The following SPIDR variants were observed in gnomAD, a reference collection of about 807,000 sequenced individuals.
The protein encoded by SPIDR is DNA repair-scaffolding protein.
SPIDR carries 93 observed loss-of-function variants against 104.6 expected under a neutral mutation model. The observed-to-expected ratio is 0.89, with a 90% CI of 0.75 to 1.06. The LOEUF (loss-of-function observed/expected upper bound fraction) is 1.06. Ranked by LOEUF, SPIDR falls within the 50% of genes least tolerant of loss-of-function variation. The probability of loss-of-function intolerance (pLI) is 0.00; values close to 1 mark genes in which losing one functional copy is unlikely to be tolerated. For missense variants in SPIDR, 1,154 were observed against 1,111.2 expected (o/e 1.04, Z -0.55); for synonymous variants, 431 against 416.9 (o/e 1.03, Z -0.41).
At chr8:47,417,884 C>A (rs1554676543) in intron 7 of SPIDR, among the ~76,000 whole-genome samples, 1 of 150,746 alleles carries the variant, frequency 6.6e-6, no homozygotes, top group African/African-American at 2.5e-5. Context: ...ATAGGGAATC[C>A]TTTCCCCATT....
intron 10 of SPIDR, among the ~76,000 whole-genome samples, chr8:47,640,709 G>GCT (rs1303448130): frequency 1.3e-5 from 2 of 151,620 alleles, no homozygotes; most frequent in Non-Finnish European, 2.9e-5. Flanking sequence ...ACGGAGCCTC[G>GCT]CTCTATCGCC....
chr8:47,508,260 G>A (rs1469444496), intron 8 of SPIDR, among the ~76,000 whole-genome samples: 1 of 152,208 alleles, frequency 6.6e-6, no homozygotes, highest in Non-Finnish European at 1.5e-5. Flanking sequence ...GATGGTGAAA[G>A]CAAGTAGCTT....
At chr8:47,432,414 CATGG>C (rs782768476) in intron 7 of SPIDR, among the ~76,000 whole-genome samples, 11 of 152,132 alleles carry the variant, frequency 7.2e-5, no homozygotes, top group Non-Finnish European at 1.3e-4. Context: ...TCAGGAGCAT[CATGG>C]TTAGCAGTGA....
At chr8:47,413,596 A>AT (rs2063821332) in intron 7 of SPIDR, among the ~76,000 whole-genome samples, 1 of 152,206 alleles carries the variant, frequency 6.6e-6, no homozygotes, top group Admixed American at 6.5e-5. Flanking sequence ...CAAATTGTAA[A>AT]TATCTTCCAA....
chr8:47,644,418 A>G (rs1437673570), intron 10 of SPIDR, among the ~76,000 whole-genome samples: 3 of 152,172 alleles, frequency 2.0e-5, no homozygotes, highest in African/African-American at 7.2e-5. Flanking sequence ...TAATCGTGTT[A>G]CCTTCATTTA....
At chr8:47,421,087 C>T (rs1389317066) in intron 7 of SPIDR, among the ~76,000 whole-genome samples, 1 of 152,116 alleles carries the variant, frequency 6.6e-6, no homozygotes, top group Non-Finnish European at 1.5e-5. Flanking sequence ...AATTATGTGT[C>T]TTGGAGTTGC....
At chr8:47,722,892 G>T (rs1327671881) in intron 16 of SPIDR, among the ~76,000 whole-genome samples, 1 of 151,772 alleles carries the variant, frequency 6.6e-6, no homozygotes, top group Admixed American at 6.6e-5. Context: ...AGGCTGGAGT[G>T]CATTGGTGTG....
intron 8 of SPIDR, among the ~76,000 whole-genome samples, chr8:47,450,090 A>G (rs2071423665): frequency 6.6e-6 from 1 of 152,122 alleles, no homozygotes; most frequent in Non-Finnish European, 1.5e-5. Context: ...CCTGAGCCCA[A>G]GGAGGTCAAG....
chr8:47,706,165 G>C (rs1337103208), intron 14 of SPIDR, among the ~76,000 whole-genome samples: 1 of 152,114 alleles, frequency 6.6e-6, no homozygotes, highest in African/African-American at 2.4e-5. Flanking sequence ...GGCCAAGGCG[G>C]GTGGATCACA....
chr8:47,482,825 G>T (rs2077048146), intron 8 of SPIDR, among the ~76,000 whole-genome samples: 1 of 150,844 alleles, frequency 6.6e-6, no homozygotes, highest in Non-Finnish European at 1.5e-5. Context: ...GCTGTGTTTT[G>T]TTTTTTTTTG....
chr8:47,467,720 G>A (rs2075110644), intron 8 of SPIDR, among the ~76,000 whole-genome samples: 2 of 152,066 alleles, frequency 1.3e-5, no homozygotes, highest in African/African-American at 4.8e-5. Flanking sequence ...AATAAGAAGA[G>A]CCATGTATAA....
intron 5 of SPIDR, among the ~76,000 whole-genome samples, chr8:47,379,721 A>G (rs1409565597): frequency 2.0e-5 from 3 of 152,184 alleles, no homozygotes; most frequent in Non-Finnish European, 4.4e-5. Context: ...TCTGGGGCCT[A>G]TGACAAGGCC....
In SPIDR at chr8:47,576,339, C is replaced by T. The variant is rs527658007; in HGVS notation, c.1098-19472C>T. Reference sequence around the variant, plus strand: ...GCTAATTATGTATTTTTAGTAGAGACGGGGTTTCCCCATGTTGGCCAGGCA... The same window carrying T: ...GCTAATTATGTATTTTTAGTAGAGATGGGGTTTCCCCATGTTGGCCAGGCA... On this transcript the variant is annotated intron_variant, in intron 8 of 19. Transcript: ENST00000297423. 1.7e-3 allele frequency among the ~76,000 whole-genome samples: 253 copies of T among 152,234 alleles called. 2 individuals carry two copies. Among genetic ancestry groups the T allele is most frequent in the Non-Finnish European group, 1.4e-3 (94 of 68,004 alleles).
intron 11 of SPIDR, among the ~76,000 whole-genome samples, chr8:47,680,987 C>A (rs1052717074): frequency 6.6e-6 from 1 of 152,172 alleles, no homozygotes; most frequent in African/African-American, 2.4e-5. Flanking sequence ...TCACTTGAAC[C>A]GGGAGGCGGA....
chr8:47,395,167 G>C (rs1314785232), intron 5 of SPIDR, among the ~76,000 whole-genome samples: 2 of 152,118 alleles, frequency 1.3e-5, no homozygotes, highest in Non-Finnish European at 2.9e-5. Flanking sequence ...TGGCCAACAT[G>C]GTGAAACCCC....
chr8:47,599,145 C>A lies in SPIDR; in HGVS notation c.1493C>A (p.Thr498Asn). 2 of 1,613,636 alleles carry A rather than the reference C, an allele frequency of 1.2e-6. No homozygotes were observed. ...TATTCTCTTCCCAGCAGAGACAGCA[C>A]CAGGGGTCAGCAGGGGGCCAGCTCA... ...RVYSLPSRDS[T>N]RGQQGASSGH... Residue 498 changes from threonine to asparagine, a missense_variant, in exon 10 of 20, where the codon ACC becomes AAC. Coordinates refer to ENST00000297423, the MANE Select transcript of SPIDR (RefSeq NM_001080394.4).
chr8:47,384,674 T>G (rs1410719582), intron 5 of SPIDR, among the ~76,000 whole-genome samples: 12 of 152,290 alleles, frequency 7.9e-5, no homozygotes, highest in South Asian at 4.1e-4. Flanking sequence ...GCTGCCAGTT[T>G]AGACAGATGC....
intron 14 of SPIDR, among the ~76,000 whole-genome samples, chr8:47,707,348 C>G (rs970636625): frequency 1.3e-5 from 2 of 151,908 alleles, no homozygotes; most frequent in African/African-American, 4.8e-5. Flanking sequence ...TGTTGAACAT[C>G]TTTTCATGTG....
At chr8:47,626,183 A>G (rs1001280552) in intron 10 of SPIDR, among the ~76,000 whole-genome samples, 2 of 152,246 alleles carry the variant, frequency 1.3e-5, no homozygotes, top group Admixed American at 6.5e-5. Flanking sequence ...CTGGCTAGCC[A>G]TATGTAGAAA....
Sources: gnomAD v4.1 joint callset for allele counts (sites outside exome capture counted in the v4.1 genomes callset) on GRCh38, gnomAD v4.1.1 for gene constraint, MANE v1.5 for transcripts, NCBI Gene and HGNC (gene_info 2026-07-23, HGNC 2026-07-21) for gene names.